Variants in ULK4 observed in about 807,000 individuals in gnomAD.
ULK4 encodes the protein inactive serine/threonine-protein kinase ULK4.
In ULK4, 133 loss-of-function variants were observed where a neutral mutation model predicts 160.6. The observed-to-expected ratio is 0.83, with a 90% CI of 0.72 to 0.96. The LOEUF (loss-of-function observed/expected upper bound fraction) is 0.96. ULK4 is among the 40% of genes least tolerant of loss of function. The pLI, the probability that ULK4 is intolerant of heterozygous loss-of-function variation, is 0.00. For missense variants in ULK4, 1,580 were observed against 1,499.5 expected (o/e 1.05, Z -0.89); for synonymous variants, 534 against 539.8 (o/e 0.99, Z 0.15).
chr3:41,661,250 A>T (rs1000460050), intron 30 of ULK4, among the ~76,000 whole-genome samples: 7 of 152,198 alleles, frequency 4.6e-5, no homozygotes, highest in Non-Finnish European at 8.8e-5. Context: ...GATATTGGCA[A>T]GAGTATGAAT....
At chr3:41,457,732 G>C (rs527887313) in intron 33 of ULK4, among the ~76,000 whole-genome samples, 1 of 152,088 alleles carries the variant, frequency 6.6e-6, no homozygotes, top group South Asian at 2.1e-4. Flanking sequence ...TACAGGGCCC[G>C]TGTCCCTGTC....
At chr3:41,442,568 T>C (rs143896865) in intron 34 of ULK4, among the ~76,000 whole-genome samples, 3 of 152,272 alleles carry the variant, frequency 2.0e-5, no homozygotes, top group East Asian at 1.9e-4. Flanking sequence ...TGCTCCATGA[T>C]CTTTAAAGTT....
At chr3:41,758,751 T>A (rs1226819621) in intron 21 of ULK4, among the ~76,000 whole-genome samples, 1 of 151,778 alleles carries the variant, frequency 6.6e-6, no homozygotes, top group Non-Finnish European at 1.5e-5. Flanking sequence ...CGGGTGCCTG[T>A]AGTCCCAGCT....
chr3:41,585,702 A>C (rs979457374), intron 31 of ULK4, among the ~76,000 whole-genome samples: 18 of 152,200 alleles, frequency 1.2e-4, no homozygotes, highest in African/African-American at 4.1e-4. Context: ...TTCATTCATC[A>C]AACCAAACAA....
chr3:41,408,149 C>A (rs2082331673), intron 34 of ULK4, among the ~76,000 whole-genome samples: 1 of 151,592 alleles, frequency 6.6e-6, no homozygotes, highest in Non-Finnish European at 1.5e-5. Flanking sequence ...AAAAATTAGG[C>A]CAGGCACGGT....
intron 35 of ULK4, among the ~76,000 whole-genome samples, chr3:41,344,907 CAG>C (rs1250263670): frequency 2.0e-5 from 3 of 151,708 alleles, no homozygotes; most frequent in African/African-American, 7.3e-5. Context: ...GTCTAATATC[CAG>C]AGTCTACAAG....
At chr3:41,789,576 C>A in intron 21 of ULK4, 85 bp downstream of exon 21, 1 of 1,319,404 alleles carries the variant, frequency 7.6e-7, no homozygotes. Flanking sequence ...ATGAATTCTA[C>A]AAACATGACA....
At chr3:41,405,734 C>G (rs1268237998) in intron 34 of ULK4, among the ~76,000 whole-genome samples, 1 of 151,986 alleles carries the variant, frequency 6.6e-6, no homozygotes, top group Non-Finnish European at 1.5e-5. Flanking sequence ...ATGTGGAGCA[C>G]TTTTTCATAT....
chr3:41,285,280 C>A (rs1357988628), intron 35 of ULK4, among the ~76,000 whole-genome samples: 1 of 152,192 alleles, frequency 6.6e-6, no homozygotes, highest in African/African-American at 2.4e-5. Flanking sequence ...GAAAAAGATA[C>A]TTGCACACGC....
At chr3:41,572,937 G>A (rs2088053153) in intron 31 of ULK4, among the ~76,000 whole-genome samples, 1 of 152,048 alleles carries the variant, frequency 6.6e-6, no homozygotes, top group African/African-American at 2.4e-5. Context: ...GGGAAAAGAG[G>A]AAACGACTCA....
chr3:41,647,905 C>T (rs926709995), intron 30 of ULK4, among the ~76,000 whole-genome samples: 9 of 152,194 alleles, frequency 5.9e-5, no homozygotes, highest in Non-Finnish European at 1.0e-4. Context: ...CAATGGCGGG[C>T]GCCCCTCCCC....
intron 4 of ULK4, among the ~76,000 whole-genome samples, chr3:41,932,428 C>A (rs1166330428): frequency 6.6e-6 from 1 of 152,152 alleles, no homozygotes; most frequent in Non-Finnish European, 1.5e-5. Context: ...GGATTTTAGA[C>A]CCAGGTCCAC....
chr3:41,469,799 C>G (rs1180347526), intron 32 of ULK4, among the ~76,000 whole-genome samples: 1 of 146,136 alleles, frequency 6.8e-6, no homozygotes, highest in Non-Finnish European at 1.5e-5. Flanking sequence ...ATACTAGAGA[C>G]AATACTGAAC....
chr3:41,923,474 G>A (rs1038426326), intron 5 of ULK4, among the ~76,000 whole-genome samples: 18 of 152,118 alleles, frequency 1.2e-4, no homozygotes, highest in Admixed American at 7.2e-4. Context: ...CTCCAGCCTG[G>A]GCAACAGAGC....
intron 20 of ULK4, 152 bp from the exon 21 acceptor site, chr3:41,789,995 A>G (rs926922041): frequency 1.6e-5 from 10 of 611,836 alleles, no homozygotes; most frequent in Non-Finnish European, 2.5e-5. Flanking sequence ...GCAATTTTCA[A>G]CAAACTTAAA....
intron 35 of ULK4, among the ~76,000 whole-genome samples, chr3:41,358,977 C>A (rs891093977): frequency 6.6e-6 from 1 of 152,102 alleles, no homozygotes; most frequent in Admixed American, 6.5e-5. Flanking sequence ...TCTTCACATA[C>A]GTTGAAAGTA....
intron 8 of ULK4, among the ~76,000 whole-genome samples, chr3:41,914,585 A>G (rs1305516458): frequency 6.6e-6 from 1 of 152,250 alleles, no homozygotes; most frequent in African/African-American, 2.4e-5. Context: ...GAGATAACTA[A>G]CCAAGTAAAC....
chr3:41,776,790 T>C (rs1383032695), intron 21 of ULK4, among the ~76,000 whole-genome samples: 1 of 93,574 alleles, frequency 1.1e-5, no homozygotes, highest in East Asian at 2.3e-4. Flanking sequence ...TCATGGTGGA[T>C]AAGCTTTTTG....
chr3:41,851,814 C>A (rs2042222211), intron 17 of ULK4, among the ~76,000 whole-genome samples: 1 of 151,972 alleles, frequency 6.6e-6, no homozygotes, highest in Non-Finnish European at 1.5e-5. Context: ...AAAATTGACA[C>A]CCTAACATCA....
Sources: allele counts gnomAD v4.1 joint callset (sites outside exome capture counted in the v4.1 genomes callset), GRCh38; gene constraint gnomAD v4.1.1; transcripts MANE v1.5; gene names NCBI Gene and HGNC (gene_info 2026-07-23, HGNC 2026-07-21).